Variants in ELAVL2 observed in about 807,000 individuals in gnomAD.
The protein encoded by ELAVL2 is ELAV like RNA binding protein 2, also known as ELAV-like protein 2.
A neutral mutation model predicts 34.6 loss-of-function variants in ELAVL2; 4 were observed. The ratio of observed to expected loss-of-function variants is 0.12; its 90% confidence interval spans 0.06 to 0.26. The LOEUF is 0.26. Among genes scored for constraint, ELAVL2 ranks in the 10% least tolerant of loss-of-function variants. The pLI is 1.00. For missense variants in ELAVL2, 432 were observed against 442.8 expected (o/e 0.98, Z 0.22); for synonymous variants, 193 against 154.8 (o/e 1.25, Z -1.83).
At chr9:23,739,863 T>C (rs1458656986) in intron 2 of ELAVL2, among the ~76,000 whole-genome samples, 2 of 152,192 alleles carry the variant, frequency 1.3e-5, no homozygotes, top group Middle Eastern at 3.4e-3. Flanking sequence ...TTTTTCTCTC[T>C]GTACAAGATC....
At chr9:23,704,367 T>C (rs995478799) in intron 4 of ELAVL2, among the ~76,000 whole-genome samples, 14 of 152,196 alleles carry the variant, frequency 9.2e-5, no homozygotes, top group African/African-American at 3.4e-4. Context: ...TAATGAACAT[T>C]TTAGTCTTCC....
At chr9:23,850,400 A>C in the ELAVL2 span, among the ~76,000 whole-genome samples, 1 of 151,978 alleles carries the variant, frequency 6.6e-6, no homozygotes, top group Non-Finnish European at 1.5e-5. Flanking sequence ...GCATTCATCC[A>C]CTTGAGGTCT....
rs565260981 is a variant in ELAVL2, at chr9:23,723,255, G to C, written c.333+7767C>G. Among the ~76,000 whole-genome samples, 42 of 152,160 alleles carry C rather than the reference G, an allele frequency of 2.8e-4. No individual in the cohort carries two copies. In the East Asian group the frequency reaches 7.5e-3, roughly 27 times the overall value. ...ACTATGCAGCCATAAAAAATGATGA[G>C]TTCATGTCCTTTGTAGGGACATGGA... is the stretch of plus-strand genomic sequence containing the variant. On this transcript the variant is annotated intron_variant, in intron 3 of 6. Transcript: ENST00000397312.
At chr9:23,799,148 C>T (rs138903147) in intron 1 of ELAVL2, among the ~76,000 whole-genome samples, 1 of 152,148 alleles carries the variant, frequency 6.6e-6, no homozygotes, top group South Asian at 2.1e-4. Flanking sequence ...TGCAATCTCA[C>T]AGAAGCTTTT....
intron 1 of ELAVL2, among the ~76,000 whole-genome samples, chr9:23,799,071 C>T (rs929493649): frequency 2.0e-5 from 3 of 152,114 alleles, no homozygotes; most frequent in Non-Finnish European, 2.9e-5. Flanking sequence ...TAATGGCCTT[C>T]CTAAAGTGCT....
At chr9:23,811,614 T>G (rs1259865699) in intron 1 of ELAVL2, among the ~76,000 whole-genome samples, 2 of 152,236 alleles carry the variant, frequency 1.3e-5, no homozygotes, top group African/African-American at 4.8e-5. Flanking sequence ...TTATTTTGAC[T>G]TTTTCCTAGG....
intron 1 of ELAVL2, among the ~76,000 whole-genome samples, chr9:23,763,671 A>G (rs992920056): frequency 6.6e-6 from 1 of 152,180 alleles, no homozygotes; most frequent in African/African-American, 2.4e-5. Flanking sequence ...AGATAAACAT[A>G]TAGGAAGAAA....
intron 2 of ELAVL2, among the ~76,000 whole-genome samples, chr9:23,761,755 A>C (rs1158017886): frequency 6.6e-6 from 1 of 152,076 alleles, no homozygotes; most frequent in Non-Finnish European, 1.5e-5. Flanking sequence ...TACTTTTAGA[A>C]GATTTTCCAA....
At chr9:23,813,156 G>A (rs931693491) in intron 1 of ELAVL2, among the ~76,000 whole-genome samples, 2 of 152,104 alleles carry the variant, frequency 1.3e-5, no homozygotes, top group African/African-American at 4.8e-5. Flanking sequence ...TTATGCTCAG[G>A]AGTAGATTAA....
chr9:23,842,859 C>A, the ELAVL2 span, among the ~76,000 whole-genome samples: 1 of 152,072 alleles, frequency 6.6e-6, no homozygotes, highest in Non-Finnish European at 1.5e-5. Context: ...AAACATTCCC[C>A]CTACTTTAAC....
At chr9:23,707,858 G>C (rs1034020542) in intron 3 of ELAVL2, among the ~76,000 whole-genome samples, 1 of 152,168 alleles carries the variant, frequency 6.6e-6, no homozygotes, top group Non-Finnish European at 1.5e-5. Context: ...CCTTAAAGTA[G>C]AGAGAAACCT....
chr9:23,757,747 G>A (rs2053918533), intron 2 of ELAVL2, among the ~76,000 whole-genome samples: 1 of 151,958 alleles, frequency 6.6e-6, no homozygotes, highest in African/African-American at 2.4e-5. Flanking sequence ...AGACGGACCT[G>A]ACAAATAACA....
At chr9:23,748,954 A>G (rs1307069747) in intron 2 of ELAVL2, among the ~76,000 whole-genome samples, 2 of 152,106 alleles carry the variant, frequency 1.3e-5, no homozygotes, top group Admixed American at 1.3e-4. Flanking sequence ...CAGAAAATAT[A>G]ATGGTTACCA....
In ELAVL2 at chr9:23,759,796, T is replaced by C. The variant is rs573474931; in HGVS notation, c.229+2210A>G. Among the ~76,000 whole-genome samples, 6 of 93,664 alleles carry C rather than the reference T, an allele frequency of 6.4e-5. No homozygotes were observed. In the South Asian group the frequency reaches 2.0e-3, roughly 31 times the overall value. 61.4% of individuals were successfully genotyped at this position (93,664 alleles called of 152,430 possible). ...TATATATATATATATATATAATGTA[T>C]AGAAACGTCTTACATCTTTAGAAAC... On this transcript the variant is annotated intron_variant, in intron 2 of 6. Coordinates refer to ENST00000397312, the MANE Select transcript of ELAVL2 (RefSeq NM_004432.5).
chr9:23,842,796 T>C, the ELAVL2 span, among the ~76,000 whole-genome samples: 3 of 152,184 alleles, frequency 2.0e-5, no homozygotes, highest in South Asian at 6.2e-4. Context: ...TGGCATTTGA[T>C]GCTCAACTGA....
At chr9:23,840,870 A>G in the ELAVL2 span, among the ~76,000 whole-genome samples, 1 of 152,074 alleles carries the variant, frequency 6.6e-6, no homozygotes, top group African/African-American at 2.4e-5. Flanking sequence ...TCCTACTTCA[A>G]GTATGCACTC....
chr9:23,850,418 G>A, the ELAVL2 span, among the ~76,000 whole-genome samples: 1 of 152,050 alleles, frequency 6.6e-6, no homozygotes, highest in South Asian at 2.1e-4. Context: ...TCTGGGGTTG[G>A]CTGCTGCTGC....
chr9:23,776,712 C>G (rs36082487), intron 1 of ELAVL2, among the ~76,000 whole-genome samples: 4,253 of 147,108 alleles, frequency 0.029, 80 homozygotes, highest in East Asian at 0.072. Flanking sequence ...CCCTTCTCTA[C>G]CTGACCTATG....
chr9:23,832,326 T>C, the ELAVL2 span: 1 of 152,102 alleles, frequency 6.6e-6, no homozygotes, highest in South Asian at 2.1e-4. Flanking sequence ...GTAATTACTA[T>C]AGGATAATAC....
Sources: gnomAD v4.1 joint callset for allele counts (sites outside exome capture counted in the v4.1 genomes callset) on GRCh38, gnomAD v4.1.1 for gene constraint, MANE v1.5 for transcripts, NCBI Gene and HGNC (gene_info 2026-07-23, HGNC 2026-07-21) for gene names.